Variants in ASB3 observed in about 807,000 individuals in gnomAD.
The protein encoded by ASB3 is ankyrin repeat and SOCS box containing 3, also known as ankyrin repeat and SOCS box protein 3.
A neutral mutation model predicts 54.5 loss-of-function variants in ASB3; 41 were observed. That is an observed-to-expected ratio of 0.75 (90% CI 0.59 to 0.98). The LOEUF (loss-of-function observed/expected upper bound fraction) is 0.98, where lower values mean the gene tolerates loss of function less well. ASB3 is among the 50% of genes least tolerant of loss of function. ASB3 has a pLI of 0.00. For synonymous variants in ASB3, 266 were observed against 221.2 expected (o/e 1.20, Z -1.80); for missense variants, 733 against 620.0 (o/e 1.18, Z -1.94).
chr2:53,698,967 G>A (rs1194427957), intron 8 of ASB3, among the ~76,000 whole-genome samples: 1 of 152,176 alleles, frequency 6.6e-6, no homozygotes, highest in African/African-American at 2.4e-5. Context: ...CCACTTCTCA[G>A]TACCAAATTT....
intron 1 of ASB3, chr2:53,786,386 A>C (rs1266251120): frequency 6.6e-6 from 1 of 152,214 alleles, no homozygotes; most frequent in Non-Finnish European, 1.5e-5. Flanking sequence ...AGAGTCGCCC[A>C]CCACGCCAAA....
intron 9 of ASB3, among the ~76,000 whole-genome samples, chr2:53,687,331 T>A (rs1668683269): frequency 1.3e-5 from 2 of 152,178 alleles, no homozygotes; most frequent in Non-Finnish European, 2.9e-5. Context: ...TAGGCAATGT[T>A]AACCAAGGCA....
At chr2:53,767,952 C>T (rs1455374889) in intron 1 of ASB3, 1 of 1,614,008 alleles carries the variant, frequency 6.2e-7, no homozygotes, top group African/African-American at 1.3e-5. Flanking sequence ...ACAAGCTGGT[C>T]GGATACATCA....
chr2:53,718,554 A>G (rs1670522437), intron 5 of ASB3, among the ~76,000 whole-genome samples: 1 of 152,194 alleles, frequency 6.6e-6, no homozygotes, highest in Non-Finnish European at 1.5e-5. Context: ...CACTGATACC[A>G]CAAAAACACA....
intron 9 of ASB3, among the ~76,000 whole-genome samples, chr2:53,690,694 TCCTA>T (rs1288973007): frequency 2.6e-5 from 4 of 151,856 alleles, no homozygotes; most frequent in African/African-American, 9.7e-5. Flanking sequence ...TTTATCCATC[TCCTA>T]CCTTTTTTTT....
At chr2:53,705,262 G>A (rs1476302533) in intron 7 of ASB3, among the ~76,000 whole-genome samples, 3 of 152,072 alleles carry the variant, frequency 2.0e-5, no homozygotes, top group Non-Finnish European at 4.4e-5. Flanking sequence ...AGAATATATT[G>A]GTTCAATTAC....
chr2:53,738,953 A>G (rs1447103181), intron 3 of ASB3, among the ~76,000 whole-genome samples: 1 of 152,200 alleles, frequency 6.6e-6, no homozygotes, highest in East Asian at 1.9e-4. Flanking sequence ...CAAACAGGTA[A>G]GACTCCAAAC....
chr2:53,760,951 C>T (rs1346029125), intron 2 of ASB3, among the ~76,000 whole-genome samples: 1 of 152,184 alleles, frequency 6.6e-6, no homozygotes, highest in Non-Finnish European at 1.5e-5. Context: ...CTAGCCCATG[C>T]TCCGATGTTA....
chr2:53,686,310 T>C (rs1197327310), intron 9 of ASB3, among the ~76,000 whole-genome samples: 2 of 152,172 alleles, frequency 1.3e-5, no homozygotes, highest in Admixed American at 1.3e-4. Context: ...AATAAAAGTA[T>C]ATCTCATTTT....
At chr2:53,765,257 T>G in intron 2 of ASB3, 120 bp downstream of exon 2, 1 of 1,365,694 alleles carries the variant, frequency 7.3e-7, no homozygotes, top group South Asian at 1.4e-5. Context: ...ATTCAGGCAG[T>G]TATTTTATGA....
chr2:53,757,969 T>A (rs1236521334), intron 2 of ASB3, among the ~76,000 whole-genome samples: 1 of 150,406 alleles, frequency 6.6e-6, no homozygotes, highest in Non-Finnish European at 1.5e-5. Context: ...ACATAATAGA[T>A]CAGGATGAAA....
intron 7 of ASB3, among the ~76,000 whole-genome samples, chr2:53,703,923 A>G (rs1399257307): frequency 1.3e-5 from 2 of 152,234 alleles, no homozygotes; most frequent in African/African-American, 4.8e-5. Context: ...CTTACTATCT[A>G]TTACCAAATC....
intron 9 of ASB3, among the ~76,000 whole-genome samples, chr2:53,683,123 C>T (rs1287467847): frequency 3.3e-5 from 5 of 151,958 alleles, no homozygotes; most frequent in Non-Finnish European, 5.9e-5. Flanking sequence ...CTGTCATAAA[C>T]GGTGTTTACT....
Position 53,756,595 on chromosome 2 carries a change from A to G in ASB3, c.197-5654T>C, listed in dbSNP as rs536573170. ...AAGACTTGCCCTCACCAATGTGGGC[A>G]GGCATCATGTAATCCTTCAAGGACC... On this transcript the variant is annotated intron_variant, in intron 2 of 9. Coordinates refer to ENST00000263634, the MANE Select transcript of ASB3 (RefSeq NM_016115.5). Among the ~76,000 whole-genome samples the G allele has an allele frequency of 6.6e-5, 10 of 152,304 alleles. No individual in the cohort carries two copies. The East Asian group carries it at 1.9e-3, about 29-fold the overall frequency.
chr2:53,745,784 A>G (rs1471147631), intron 3 of ASB3, among the ~76,000 whole-genome samples: 2 of 152,198 alleles, frequency 1.3e-5, no homozygotes, highest in Non-Finnish European at 2.9e-5. Flanking sequence ...AACATATTCC[A>G]AATTTTCAGT....
At chr2:53,698,829 C>G (rs113649760) in intron 8 of ASB3, among the ~76,000 whole-genome samples, 1 of 152,194 alleles carries the variant, frequency 6.6e-6, no homozygotes, top group African/African-American at 2.4e-5. Context: ...CCAGAATCAC[C>G]CTTAACACTC....
In ASB3 at chr2:53,700,544, TA is replaced by T. The variant is rs537745151; in HGVS notation, c.981-17del. 143 of 1,574,852 alleles carry T rather than the reference TA, an allele frequency of 9.1e-5. 1 individual carries two copies. In the African/African-American group the frequency reaches 1.9e-3, roughly 21 times the overall value. On this transcript the variant is annotated splice_polypyrimidine_tract_variant and intron_variant, in intron 7 of 9. Transcript: ENST00000263634. ...GAACTCACAGCTCCACCATAAAAAA[TA>T]AAAACAAAAAAAGAAGAAGTTAGAC...
Position 53,729,566 on chromosome 2 carries a change from A to G in ASB3, c.360T>C (p.Val120=), listed in dbSNP as rs764137718. Residue 120 remains valine, a synonymous_variant, in exon 4 of 10, where the codon GTT becomes GTC. Coordinates refer to ENST00000263634, the MANE Select transcript of ASB3 (RefSeq NM_016115.5). ...LEETTPLFLA[V]ENGQIDVLRL... ...TTAACACATCTATCTGTCCATTTTC[A>G]ACAGCTGTAATACAGCAGTTAGAAA... The G allele has an allele frequency of 4.3e-6, 7 of 1,613,654 alleles. No homozygotes were observed. Among genetic ancestry groups the G allele is most frequent in the Non-Finnish European group, 5.1e-6 (6 of 1,179,652 alleles).
rs146328368 is a variant in ASB3 at position 53,701,246 on chromosome 2, C to T, written c.981-718G>A. Among the ~76,000 whole-genome samples the T allele has an allele frequency of 8.2e-4, 125 of 152,172 alleles. 1 individual carries two copies. The highest frequency in any genetic ancestry group is 1.5e-3 in the Non-Finnish European group (102 of 67,988). On this transcript the variant is annotated intron_variant, in intron 7 of 9. Coordinates refer to ENST00000263634, the MANE Select transcript of ASB3 (RefSeq NM_016115.5). ...CGCTTTGGTCTCCCAAAAGGTATGC[C>T]ACCGTGACTGGCCTTACATTTATAA...
Sources: gnomAD v4.1 joint callset for allele counts (sites outside exome capture counted in the v4.1 genomes callset) on GRCh38, gnomAD v4.1.1 for gene constraint, MANE v1.5 for transcripts, NCBI Gene and HGNC (gene_info 2026-07-23, HGNC 2026-07-21) for gene names.